Variants in MFAP3L observed in about 807,000 individuals in gnomAD.
MFAP3L encodes microfibrillar-associated protein 3-like.
In MFAP3L, 5 loss-of-function variants were observed where a neutral mutation model predicts 20.0. The ratio of observed to expected loss-of-function variants is 0.25; its 90% CI spans 0.13 to 0.53. The LOEUF (loss-of-function observed/expected upper bound fraction) is 0.53, where lower values mean the gene tolerates loss of function less well. Among genes scored for constraint, MFAP3L ranks in the 20% least tolerant of loss-of-function variants. The pLI is 0.96. For synonymous variants in MFAP3L, 219 were observed against 213.0 expected (o/e 1.03, Z -0.25); for missense variants, 409 against 527.5 (o/e 0.78, Z 2.20).
chr4:170,004,456 T>C (rs1477580759), intron 2 of MFAP3L, among the ~76,000 whole-genome samples: 1 of 152,208 alleles, frequency 6.6e-6, no homozygotes, highest in African/African-American at 2.4e-5. Flanking sequence ...CAACCTTGAC[T>C]GGCTAACCAA....
In MFAP3L at chr4:169,991,316, C is replaced by T; in HGVS notation, c.*62G>A. On this transcript the variant is annotated 3_prime_UTR_variant, in exon 3 of 3. Coordinates refer to ENST00000361618, the MANE Select transcript of MFAP3L (RefSeq NM_021647.8). This position sits in a 1 kb window ranked among gnomAD's most constrained non-coding sequence, Gnocchi z 4.9. Reference sequence around the variant, plus strand: ...AAGGCTTAGCGGCAAGTGCGTACTACATCTGTATTACAAGGAGCAGCCCCT... The same window carrying T: ...AAGGCTTAGCGGCAAGTGCGTACTATATCTGTATTACAAGGAGCAGCCCCT... 2.6e-6 allele frequency: 4 copies of T among 1,524,890 alleles called. No individual in the cohort carries two copies. The highest frequency in any genetic ancestry group is 3.6e-6 in the Non-Finnish European group (4 of 1,124,682). 94.5% of individuals were successfully genotyped at this position (1,524,890 alleles called of 1,614,324 possible). A position where few individuals can be genotyped will look rare whatever the true frequency, so the allele number is the denominator to read the frequency against.
At chr4:170,026,174 G>C in intron 1 of MFAP3L, 60 bp downstream of exon 1, 1 of 950,134 alleles carries the variant, frequency 1.1e-6, no homozygotes, top group Non-Finnish European at 1.3e-6. Flanking sequence ...CGCCGACCCG[G>C]TGCGGGGCTG....
chr4:170,007,645 T>G (rs1739129727), intron 1 of MFAP3L, among the ~76,000 whole-genome samples: 1 of 152,240 alleles, frequency 6.6e-6, no homozygotes, highest in Non-Finnish European at 1.5e-5. Context: ...AGATCTTGAG[T>G]TTTGCTTAAA....
intron 2 of MFAP3L, chr4:170,001,816 G>C: frequency 1.6e-6 from 1 of 622,018 alleles, no homozygotes; most frequent in Non-Finnish European, 2.0e-6. Flanking sequence ...TCCAGATAGA[G>C]ATCACACATT....
At chr4:170,027,012 T>A (rs1156775303), upstream of MFAP3L, 2 of 152,184 alleles carry the variant, frequency 1.3e-5, no homozygotes, top group African/African-American at 4.8e-5. Flanking sequence ...CAGCGGGCCG[T>A]TCCCTGGTGA....
chr4:170,025,782 G>A (rs558974530), intron 1 of MFAP3L, among the ~76,000 whole-genome samples: 1 of 152,144 alleles, frequency 6.6e-6, no homozygotes, highest in Non-Finnish European at 1.5e-5. Context: ...TCCCGACGCG[G>A]AACCCGCATT....
intron 2 of MFAP3L, among the ~76,000 whole-genome samples, chr4:170,001,788 C>T (rs1738639536): frequency 6.6e-6 from 1 of 152,182 alleles, no homozygotes; most frequent in African/African-American, 2.4e-5. Context: ...CTTTGCTGAA[C>T]TACAAAAACA....
chr4:170,023,774 C>T (rs1275474670), intron 1 of MFAP3L, among the ~76,000 whole-genome samples: 1 of 152,146 alleles, frequency 6.6e-6, no homozygotes, highest in Non-Finnish European at 1.5e-5. Context: ...AGCAACTTGG[C>T]TACAATATTT....
At chr4:170,018,819 G>A (rs1347445604) in intron 1 of MFAP3L, among the ~76,000 whole-genome samples, 2 of 152,178 alleles carry the variant, frequency 1.3e-5, no homozygotes, top group South Asian at 2.1e-4. Context: ...TCCCGCCAAC[G>A]TAGGGCTGCC....
intron 1 of MFAP3L, among the ~76,000 whole-genome samples, chr4:170,019,984 G>A (rs1454892881): frequency 2.6e-5 from 4 of 152,220 alleles, no homozygotes; most frequent in African/African-American, 9.6e-5. Flanking sequence ...GTCCATCAGG[G>A]AGTTAATTTC....
chr4:169,994,478 T>C (rs539587768), intron 2 of MFAP3L: 1 of 980,338 alleles, frequency 1.0e-6, no homozygotes, highest in African/African-American at 1.7e-5. Context: ...TATAGAAAAA[T>C]AAAATGTGAA....
chr4:170,017,466 G>A lies in MFAP3L; in HGVS notation c.-134+8768C>T, dbSNP rs539322725. On this transcript the variant is annotated intron_variant, in intron 1 of 2. Transcript: ENST00000361618. ...ACCACTCTAAGGCTGGGACAGGCCT[G>A]TGATTCTGCCCACACAACAGCGTAA... Among the ~76,000 whole-genome samples, 46 of 152,216 alleles carry A rather than the reference G, an allele frequency of 3.0e-4. No individual in the cohort carries two copies. The South Asian group carries it at 6.4e-3, about 21-fold the overall frequency.
At chr4:170,021,606 T>G (rs1446015434) in intron 1 of MFAP3L, among the ~76,000 whole-genome samples, 2 of 152,210 alleles carry the variant, frequency 1.3e-5, no homozygotes, top group Admixed American at 1.3e-4. Flanking sequence ...TTTGTTTTTC[T>G]TACATGCAGT....
chr4:170,012,770 A>G (rs1739461923), intron 1 of MFAP3L, among the ~76,000 whole-genome samples: 1 of 152,192 alleles, frequency 6.6e-6, no homozygotes, highest in South Asian at 2.1e-4. Flanking sequence ...CGCACTTATT[A>G]ATTGTGTAGT....
At position 170,006,847 on chromosome 4, in the gene MFAP3L, G is replaced by C. The variant is rs528380422; in HGVS notation, c.-133-837C>G. 3 of 152,322 alleles carry C rather than the reference G, an allele frequency of 2.0e-5. No individual in the cohort carries two copies. In the South Asian group the frequency reaches 6.2e-4, roughly 32 times the overall value. The allele number at this position is 152,322 out of a possible 1,614,324, so 9.4% of individuals were successfully genotyped here. A position where few individuals can be genotyped will look rare whatever the true frequency, so the allele number is the denominator to read the frequency against. ...CTCATTCAACTTCCCATGCTCCTCTGAGCTCCACCTCATCTAGCGCTCTCT... is the reference window on the plus strand; with the variant it reads ...CTCATTCAACTTCCCATGCTCCTCTCAGCTCCACCTCATCTAGCGCTCTCT... On this transcript the variant is annotated intron_variant, in intron 1 of 2. Coordinates refer to ENST00000361618, the MANE Select transcript of MFAP3L (RefSeq NM_021647.8).
chr4:170,002,723 TG>T (rs2110983565), intron 2 of MFAP3L, among the ~76,000 whole-genome samples: 1 of 152,134 alleles, frequency 6.6e-6, no homozygotes, highest in South Asian at 2.1e-4. Context: ...TTGGCCAGGA[TG>T]GTCTCAATCT....
rs550234721 is a variant in MFAP3L at position 169,991,266 on chromosome 4, A to G, written c.*112T>C. Reference sequence around the variant, plus strand: ...CTCCTTTTAAAGTGGCATCACTCCTACCTAAGGGATGAGAGTCTCCTGGTA... The same window carrying G: ...CTCCTTTTAAAGTGGCATCACTCCTGCCTAAGGGATGAGAGTCTCCTGGTA... On this transcript the variant is annotated 3_prime_UTR_variant, in exon 3 of 3. Transcript: ENST00000361618. The surrounding 1 kb of genome is among the most constrained non-coding windows in gnomAD (Gnocchi z 4.9). 8.7e-7 allele frequency: 1 copy of G among 1,146,868 alleles called. No homozygotes were observed. Among genetic ancestry groups the G allele is most frequent in the African/African-American group, 1.5e-5 (1 of 64,758 alleles). The allele number at this position is 1,146,868 out of a possible 1,614,324, so 71.0% of individuals were successfully genotyped here.
At chr4:169,997,683 G>GC in intron 2 of MFAP3L, 1 of 983,268 alleles carries the variant, frequency 1.0e-6, no homozygotes, top group Non-Finnish European at 1.2e-6. Flanking sequence ...GAAAGTGACG[G>GC]CTGCCTGGCT....
At chr4:170,014,880 G>A (rs748003079) in intron 1 of MFAP3L, among the ~76,000 whole-genome samples, 7 of 152,108 alleles carry the variant, frequency 4.6e-5, no homozygotes, top group Non-Finnish European at 8.8e-5. Context: ...TTTGTGGTGG[G>A]ACAGCTCATA....
Sources: allele counts gnomAD v4.1 joint callset (sites outside exome capture counted in the v4.1 genomes callset), GRCh38; gene constraint gnomAD v4.1.1; non-coding constraint Gnocchi (gnomAD v3.1); transcripts MANE v1.5; gene names NCBI Gene and HGNC (gene_info 2026-07-23, HGNC 2026-07-21).